RAB22A: variants seen among roughly 807,000 people sequenced by gnomAD.
The protein encoded by RAB22A is ras-related protein Rab-22A.
RAB22A carries 13 observed loss-of-function variants against 30.2 expected under a neutral mutation model. The observed-to-expected ratio is 0.43, with a 90% CI of 0.28 to 0.68. RAB22A has a LOEUF of 0.68. RAB22A is among the 30% of genes least tolerant of loss of function. The pLI is 0.18. For missense variants in RAB22A, 177 were observed against 246.8 expected (o/e 0.72, Z 1.89); for synonymous variants, 89 against 87.2 (o/e 1.02, Z -0.11).
intron 2 of RAB22A, among the ~76,000 whole-genome samples, chr20:58,317,109 T>A (rs917542342): frequency 6.6e-6 from 1 of 152,170 alleles, no homozygotes; most frequent in Non-Finnish European, 1.5e-5. Flanking sequence ...ATGTATTTAT[T>A]TTTTGAGATG....
At chr20:58,352,570 A>C (rs1987070338) in intron 3 of RAB22A, among the ~76,000 whole-genome samples, 1 of 152,222 alleles carries the variant, frequency 6.6e-6, no homozygotes, top group South Asian at 2.1e-4. Flanking sequence ...TCATTGAGAG[A>C]AATAGCTCAC....
chr20:58,332,509 C>T (rs756315854), intron 2 of RAB22A, among the ~76,000 whole-genome samples: 7 of 152,200 alleles, frequency 4.6e-5, no homozygotes, highest in Non-Finnish European at 1.0e-4. Flanking sequence ...CTCTCCTCTG[C>T]TGTGTCCAGT....
chr20:58,325,175 CAA>C (rs766377233), intron 2 of RAB22A, among the ~76,000 whole-genome samples: 11 of 65,204 alleles, frequency 1.7e-4, no homozygotes, highest in Admixed American at 5.3e-4. Context: ...GACTCCATCT[CAA>C]AAAAAAAAAA....
At chr20:58,318,598 G>C (rs6100021) in intron 2 of RAB22A, among the ~76,000 whole-genome samples, 2 of 151,852 alleles carry the variant, frequency 1.3e-5, no homozygotes, top group African/African-American at 4.8e-5. Context: ...CAGCATTTCA[G>C]ATAAGGGGTA....
intron 2 of RAB22A, among the ~76,000 whole-genome samples, chr20:58,338,272 C>T (rs930663062): frequency 3.9e-5 from 6 of 152,106 alleles, no homozygotes; most frequent in African/African-American, 1.4e-4. Context: ...AGTATCAGCC[C>T]GCCTCAGCCT....
intron 2 of RAB22A, among the ~76,000 whole-genome samples, chr20:58,336,222 G>T (rs771865591): frequency 6.0e-4 from 92 of 152,150 alleles, no homozygotes; most frequent in Non-Finnish European, 1.2e-3. Flanking sequence ...ATGTTGGCCA[G>T]GCTGGTCTCG....
chr20:58,329,047 G>A (rs1444082236), intron 2 of RAB22A, among the ~76,000 whole-genome samples: 2 of 141,224 alleles, frequency 1.4e-5, no homozygotes, highest in East Asian at 4.1e-4. Flanking sequence ...TGTCTGCATT[G>A]CATATTCCCT....
At chr20:58,333,216 G>T (rs1453582375) in intron 2 of RAB22A, among the ~76,000 whole-genome samples, 2 of 151,820 alleles carry the variant, frequency 1.3e-5, no homozygotes, top group African/African-American at 4.8e-5. Flanking sequence ...GGAGGCGGAG[G>T]TTGCAGTGAG....
chr20:58,357,661 A>G (rs1268555735), intron 6 of RAB22A, among the ~76,000 whole-genome samples: 6 of 152,218 alleles, frequency 3.9e-5, no homozygotes, highest in Non-Finnish European at 8.8e-5. Flanking sequence ...ATATCCATTT[A>G]TTGAGAATAA....
intron 6 of RAB22A, among the ~76,000 whole-genome samples, chr20:58,356,211 T>C (rs1476058776): frequency 6.6e-6 from 1 of 151,134 alleles, no homozygotes; most frequent in Non-Finnish European, 1.5e-5. Flanking sequence ...CTTGTGAGGC[T>C]GCGGCAGGAG....
chr20:58,322,367 C>T (rs1986478088), intron 2 of RAB22A, among the ~76,000 whole-genome samples: 1 of 152,198 alleles, frequency 6.6e-6, no homozygotes, highest in Non-Finnish European at 1.5e-5. Context: ...CCTCCACGGT[C>T]TAGTACAGTT....
chr20:58,325,779 A>G (rs1160847549), intron 2 of RAB22A, among the ~76,000 whole-genome samples: 2 of 152,122 alleles, frequency 1.3e-5, no homozygotes, highest in Admixed American at 6.5e-5. Context: ...ATCCTGGTAA[A>G]TGTTCCATGT....
At chr20:58,334,156 C>T (rs959680859) in intron 2 of RAB22A, among the ~76,000 whole-genome samples, 1 of 151,906 alleles carries the variant, frequency 6.6e-6, no homozygotes, top group Non-Finnish European at 1.5e-5. Context: ...CATGGTGAAA[C>T]CGCGTCTCTA....
chr20:58,326,919 T>C (rs1006853816), intron 2 of RAB22A, among the ~76,000 whole-genome samples: 1 of 152,200 alleles, frequency 6.6e-6, no homozygotes, highest in Non-Finnish European at 1.5e-5. Flanking sequence ...ACATTCAGTA[T>C]TGTACCAGTA....
intron 2 of RAB22A, among the ~76,000 whole-genome samples, chr20:58,327,644 A>G (rs1986590914): frequency 6.6e-6 from 1 of 152,222 alleles, no homozygotes; most frequent in Non-Finnish European, 1.5e-5. Context: ...TACTAAACCA[A>G]TCCCAAACTC....
chr20:58,340,372 C>G (rs1418388272), intron 2 of RAB22A, among the ~76,000 whole-genome samples: 1 of 152,148 alleles, frequency 6.6e-6, no homozygotes, highest in Non-Finnish European at 1.5e-5. Flanking sequence ...ACTAGTTGAG[C>G]CACTTCCCAC....
chr20:58,355,175 A>G (rs2054267497), intron 6 of RAB22A, among the ~76,000 whole-genome samples: 1 of 152,138 alleles, frequency 6.6e-6, no homozygotes, highest in African/African-American at 2.4e-5. Context: ...AGCCAAGGGT[A>G]CTGAAGCAGG....
rs1443419480 is a variant in RAB22A, at chr20:58,362,231, G to A, written c.*2528G>A. Reference sequence around the variant, plus strand: ...CATAATCCATACTCAGTGAAAGCAGGGAAAAAATATTTTCACTTATTTTAT... The same window carrying A: ...CATAATCCATACTCAGTGAAAGCAGAGAAAAAATATTTTCACTTATTTTAT... On this transcript the variant is annotated 3_prime_UTR_variant, in exon 7 of 7. Coordinates refer to ENST00000244040, the MANE Select transcript of RAB22A (RefSeq NM_020673.3). 2.0e-5 allele frequency: 3 copies of A among 151,840 alleles called. No individual in the cohort carries two copies. Among genetic ancestry groups the A allele is most frequent in the African/African-American group, 7.3e-5 (3 of 41,304 alleles). The allele number at this position is 151,840 out of a possible 1,614,324, so 9.4% of individuals were successfully genotyped here. A position where few individuals can be genotyped will look rare whatever the true frequency, so the allele number is the denominator to read the frequency against.
chr20:58,357,036 C>A (rs1372976751), intron 6 of RAB22A, among the ~76,000 whole-genome samples: 1 of 151,980 alleles, frequency 6.6e-6, no homozygotes, highest in Non-Finnish European at 1.5e-5. Flanking sequence ...ATATTTATAC[C>A]CACAAGAAAA....
Sources: gnomAD v4.1 joint callset for allele counts (sites outside exome capture counted in the v4.1 genomes callset) on GRCh38, gnomAD v4.1.1 for gene constraint, MANE v1.5 for transcripts, NCBI Gene and HGNC (gene_info 2026-07-23, HGNC 2026-07-21) for gene names.